RANBP2: variants seen among roughly 807,000 people sequenced by gnomAD.
The protein encoded by RANBP2 is E3 SUMO-protein ligase RanBP2.
A neutral mutation model predicts 303.6 loss-of-function variants in RANBP2; 57 were observed. That is an observed-to-expected ratio of 0.19 (90% CI 0.15 to 0.23). The LOEUF (loss-of-function observed/expected upper bound fraction) is 0.23. RANBP2 is among the 10% of genes least tolerant of loss of function. The probability of loss-of-function intolerance (pLI) is 1.00; values close to 1 mark genes in which losing one functional copy is unlikely to be tolerated. For missense variants in RANBP2, 3,138 were observed against 3,780.8 expected, an observed-to-expected ratio of 0.83 and a Z score of 4.46; for synonymous variants, 1,167 against 1,301.5, an observed-to-expected ratio of 0.90 and a Z score of 2.23.
chr2:108,950,702 G>C, the RANBP2 span, among the ~76,000 whole-genome samples: 1 of 152,184 alleles, frequency 6.6e-6, no homozygotes, highest in African/African-American at 2.4e-5. Flanking sequence ...CCCTGCCCTT[G>C]CTCCCTTCAT....
chr2:108,827,344 T>A, the RANBP2 span, among the ~76,000 whole-genome samples: 1 of 152,054 alleles, frequency 6.6e-6, no homozygotes, highest in South Asian at 2.1e-4. Context: ...CAATACCAAA[T>A]TTACAAAGCT....
the RANBP2 span, among the ~76,000 whole-genome samples, chr2:109,216,503 C>T: frequency 1.3e-5 from 2 of 152,204 alleles, no homozygotes; most frequent in African/African-American, 4.8e-5. Flanking sequence ...GCACGCCCAC[C>T]TGGCCGCAAA....
the RANBP2 span, among the ~76,000 whole-genome samples, chr2:109,326,729 T>A: frequency 6.6e-6 from 1 of 152,248 alleles, no homozygotes; most frequent in Non-Finnish European, 1.5e-5. Context: ...AGTTCTTACC[T>A]GGTGTTTACT....
At chr2:108,876,389 T>C in the RANBP2 span, 20 of 523,078 alleles carry the variant, frequency 3.8e-5, no homozygotes, top group African/African-American at 3.6e-4. Context: ...TTTTTTGAAC[T>C]GTAAAAATGA....
chr2:109,636,692 C>T, the RANBP2 span, among the ~76,000 whole-genome samples: 1 of 152,102 alleles, frequency 6.6e-6, no homozygotes, highest in East Asian at 1.9e-4. Flanking sequence ...AATCCCAGCA[C>T]TTTGGGAGGC....
chr2:108,978,856 A>G, the RANBP2 span, among the ~76,000 whole-genome samples: 1 of 152,216 alleles, frequency 6.6e-6, no homozygotes, highest in Non-Finnish European at 1.5e-5. Flanking sequence ...TGGTTAAATT[A>G]AACCCAACAG....
the RANBP2 span, among the ~76,000 whole-genome samples, chr2:108,897,770 C>T: frequency 6.6e-6 from 1 of 152,344 alleles, no homozygotes; most frequent in Non-Finnish European, 1.5e-5. Flanking sequence ...CATTTAAAAA[C>T]TTGATATTGC....
At chr2:109,656,945 G>C in the RANBP2 span, among the ~76,000 whole-genome samples, 1 of 152,154 alleles carries the variant, frequency 6.6e-6, no homozygotes, top group Admixed American at 6.5e-5. Flanking sequence ...CCCCAATGGA[G>C]AAGGGAAAAA....
chr2:108,743,717 T>TAC (rs1696294591), intron 7 of RANBP2, among the ~76,000 whole-genome samples: 1 of 152,236 alleles, frequency 6.6e-6, no homozygotes, highest in Non-Finnish European at 1.5e-5. Context: ...AATACATTCT[T>TAC]TCTCTGCTTT....
At chr2:109,117,018 G>A in the RANBP2 span, among the ~76,000 whole-genome samples, 12 of 152,300 alleles carry the variant, frequency 7.9e-5, no homozygotes, top group Non-Finnish European at 1.6e-4. Flanking sequence ...GTACCCGGCC[G>A]TGTGAGGTGT....
the RANBP2 span, among the ~76,000 whole-genome samples, chr2:108,921,364 CT>C: frequency 6.6e-6 from 1 of 152,346 alleles, no homozygotes; most frequent in East Asian, 1.9e-4. Context: ...CTTGGCAAGT[CT>C]GACGGTGGTT....
At chr2:109,032,093 C>G in the RANBP2 span, among the ~76,000 whole-genome samples, 2 of 152,092 alleles carry the variant, frequency 1.3e-5, no homozygotes, top group Non-Finnish European at 2.9e-5. Context: ...GCTTTGTTTT[C>G]AAGTTCATTA....
At chr2:109,432,325 T>C in the RANBP2 span, among the ~76,000 whole-genome samples, 4 of 152,136 alleles carry the variant, frequency 2.6e-5, no homozygotes, top group Non-Finnish European at 5.9e-5. Context: ...GGGTTTGTTA[T>C]GAGGAGTGAG....
At chr2:109,526,576 T>A in the RANBP2 span, among the ~76,000 whole-genome samples, 3 of 152,160 alleles carry the variant, frequency 2.0e-5, no homozygotes. Flanking sequence ...TCTCCCAAAG[T>A]GCTCGGATTA....
chr2:108,872,831 ACATCT>A, the RANBP2 span, among the ~76,000 whole-genome samples: 3 of 152,164 alleles, frequency 2.0e-5, no homozygotes, highest in Non-Finnish European at 4.4e-5. Context: ...CAGGCCCCCC[ACATCT>A]CATGTCCTCA....
At chr2:109,401,345 CA>C in the RANBP2 span, among the ~76,000 whole-genome samples, 5 of 152,358 alleles carry the variant, frequency 3.3e-5, no homozygotes, top group East Asian at 9.6e-4. Flanking sequence ...GACTGAGGAG[CA>C]GCGGCCTGGC....
chr2:109,672,918 A>C, the RANBP2 span, among the ~76,000 whole-genome samples: 1 of 152,230 alleles, frequency 6.6e-6, no homozygotes, highest in Non-Finnish European at 1.5e-5. Flanking sequence ...AAATTTGAAT[A>C]CTGCTAAACC....
At chr2:109,222,403 G>C in the RANBP2 span, among the ~76,000 whole-genome samples, 3 of 152,156 alleles carry the variant, frequency 2.0e-5, no homozygotes, top group Non-Finnish European at 4.4e-5. Context: ...TAGTTACCCT[G>C]ATTTGATCAT....
the RANBP2 span, chr2:109,585,133 CTTT>C: frequency 6.4e-7 from 1 of 1,571,538 alleles, no homozygotes; most frequent in Non-Finnish European, 8.6e-7. Context: ...TACCTCTCTT[CTTT>C]ATTTATTTGG....
Sources: gnomAD v4.1 joint callset for allele counts (sites outside exome capture counted in the v4.1 genomes callset) on GRCh38, gnomAD v4.1.1 for gene constraint, MANE v1.5 for transcripts, NCBI Gene and HGNC (gene_info 2026-07-23, HGNC 2026-07-21) for gene names.